The following ERN2 variants were observed in gnomAD, a reference collection of about 807,000 sequenced individuals.
The protein encoded by ERN2 is endoplasmic reticulum to nucleus signaling 2.
Under a neutral mutation model 107.9 loss-of-function variants are expected in ERN2, and 111 were observed. The ratio of observed to expected loss-of-function variants is 1.03; its 90% CI spans 0.88 to 1.20. The LOEUF is 1.20. ERN2 is among the 50% of genes most tolerant of loss of function. The probability of loss-of-function intolerance (pLI) is 0.00; values close to 1 mark genes in which losing one functional copy is unlikely to be tolerated. For synonymous variants in ERN2, 524 were observed against 501.7 expected (o/e 1.04, Z -0.59); for missense variants, 1,225 against 1,197.9 (o/e 1.02, Z -0.33).
Position 23,700,591 on chromosome 16 carries a change from C to T in ERN2, c.1473G>A (p.Gln491=), listed in dbSNP as rs1960007389. Residue 491 remains glutamine, a synonymous_variant, in exon 13 of 22, where the codon CAG becomes CAA. Transcript: ENST00000256797. ...SLHSGASRRS[Q]KRLQSPSKQA... is the part of the protein sequence containing the mutation. ...GCTTTGAGGGACTCTGAAGCCTCTT[C>T]TGGCTCCTCCGGCTGGCCCCCGAGT... 4 of 1,614,186 alleles carry T rather than the reference C, an allele frequency of 2.5e-6. No homozygotes were observed. Among genetic ancestry groups the T allele is most frequent in the South Asian group, 1.1e-5 (1 of 91,074 alleles).
chr16:23,691,244 T>C, intron 20 of ERN2, 48 bp from the exon 21 acceptor site: 1 of 1,612,158 alleles, frequency 6.2e-7, no homozygotes, highest in Non-Finnish European at 8.5e-7. Context: ...TAGACTCCCC[T>C]CCACCGCCCA....
At chr16:23,704,113 G>C (rs900611875) in intron 8 of ERN2, among the ~76,000 whole-genome samples, 1 of 152,188 alleles carries the variant, frequency 6.6e-6, no homozygotes, top group African/African-American at 2.4e-5. Context: ...TTCCCAAGCT[G>C]TCTACTGGTT....
rs1567255390 is a variant in ERN2, at chr16:23,710,263, C to A, written c.234-19G>T. 6.2e-7 allele frequency: 1 copy of A among 1,606,916 alleles called. No homozygotes were observed. Among genetic ancestry groups the A allele is most frequent in the Non-Finnish European group, 8.5e-7 (1 of 1,173,456 alleles). On this transcript the variant is annotated intron_variant, in intron 3 of 21. Transcript: ENST00000256797. ...GGCCATTCTGTGGAGCAGAGAGAAA[C>A]AAGGAGACCAATGGGTTCTTGCCCC... is the stretch of plus-strand genomic sequence containing the variant.
intron 8 of ERN2, among the ~76,000 whole-genome samples, chr16:23,703,974 G>A (rs998282765): frequency 3.3e-5 from 5 of 151,694 alleles, no homozygotes; most frequent in South Asian, 2.1e-4. Context: ...CATTAGACTC[G>A]GGTTCCTGAG....
chr16:23,702,516 G>C lies in ERN2; in HGVS notation c.955C>G (p.Pro319Ala), dbSNP rs376921620. 22 of 1,613,894 alleles carry C rather than the reference G, an allele frequency of 1.4e-5. No individual in the cohort carries two copies. Among genetic ancestry groups the C allele is most frequent in the Non-Finnish European group, 1.7e-5 (20 of 1,180,034 alleles). ...TCATCTGTGGTGGGGCCATCTGCGG[G>C]GGCCAGGGTCAGTCCACGAGGCTAT... is the stretch of plus-strand genomic sequence containing the variant. ...ALVPRGLTLAPADGPTTDEVT... is the reference protein window; with the variant it reads ...ALVPRGLTLAAADGPTTDEVT... The change falls in exon 10 of 22, where the codon CCC becomes GCC. Residue 319 changes from proline (P) to alanine (A), a missense_variant. Coordinates refer to ENST00000256797, the MANE Select transcript of ERN2 (RefSeq NM_033266.4).
chr16:23,711,864 G>T, intron 1 of ERN2: 1 of 195,370 alleles, frequency 5.1e-6, no homozygotes, highest in Non-Finnish European at 1.1e-5. Context: ...GCCCCTTTCT[G>T]CCTCCCCAAA....
At chr16:23,693,951 T>A (rs1055772398) in intron 17 of ERN2, among the ~76,000 whole-genome samples, 8 of 152,130 alleles carry the variant, frequency 5.3e-5, no homozygotes, top group Non-Finnish European at 1.2e-4. Context: ...ACCCAGGCAA[T>A]TAGGTAAAAA....
At chr16:23,708,171 A>G (rs1960399233) in intron 4 of ERN2, among the ~76,000 whole-genome samples, 1 of 151,956 alleles carries the variant, frequency 6.6e-6, no homozygotes, top group African/African-American at 2.4e-5. Flanking sequence ...CCCAGCCTCC[A>G]GAATTAGGGC....
Position 23,702,409 on chromosome 16 carries a change from T to G in ERN2, c.1062A>C (p.Pro354=). Residue 354 remains proline, a synonymous_variant, in exon 10 of 22, where the codon CCA becomes CCC. Transcript: ENST00000256797. ...VRYPSGSVAL[P]SQWLLIGHHE... Reference sequence around the variant, plus strand: ...TCTCACCAATGAGCAGCCACTGGCTTGGGAGGGCCACACTGCCTGAGGGGT... The same window carrying G: ...TCTCACCAATGAGCAGCCACTGGCTGGGGAGGGCCACACTGCCTGAGGGGT... The G allele has an allele frequency of 6.2e-7, 1 of 1,613,624 alleles. No individual in the cohort carries two copies. Among genetic ancestry groups the G allele is most frequent in the Non-Finnish European group, 8.5e-7 (1 of 1,179,886 alleles).
rs56176960 is a variant in ERN2 at position 23,695,894 on chromosome 16, C to A, written c.1610G>T (p.Arg537Leu). The A allele has an allele frequency of 5.0e-6, 8 of 1,613,366 alleles. No individual in the cohort carries two copies. The highest frequency in any genetic ancestry group is 1.3e-5 in the African/African-American group (1 of 74,902). ...AGCTTGGCTCCTGGCTGCCACTCAC[C>A]GGAAAACGAAAGTCCCGCCTGCCCC... The part of the protein sequence containing the change: ...GRGAGGTFVF[R>L]GQFEGRAVAV... The change falls in exon 14 of 22, where the codon CGG becomes CTG. Residue 537 changes from arginine (R) to leucine (L), a missense_variant and splice_region_variant. Arg to Leu is a moderately radical substitution (Grantham distance 102). Transcript: ENST00000256797.
At chr16:23,702,060 T>C in intron 11 of ERN2, 92 bp downstream of exon 11, 2 of 1,369,952 alleles carry the variant, frequency 1.5e-6, no homozygotes, top group Non-Finnish European at 2.0e-6. Context: ...CCCCGAGTGT[T>C]ATTCTTAGCA....
intron 4 of ERN2, 164 bp downstream of exon 4, chr16:23,710,008 C>G: frequency 1.6e-6 from 1 of 609,058 alleles, no homozygotes; most frequent in South Asian, 2.0e-5. Flanking sequence ...CCCTTACCAC[C>G]CTTTCAACAG....
At position 23,695,978 on chromosome 16, in the gene ERN2, G is replaced by C. The variant is rs776370663; in HGVS notation, c.1526C>G (p.Ala509Gly). Residue 509 changes from alanine to glycine, a missense_variant and splice_region_variant, in exon 14 of 22, where the codon GCT (alanine) becomes GGT (glycine). Physicochemically the swap from Ala to Gly is moderately conservative, Grantham distance 60. Coordinates refer to ENST00000256797, the MANE Select transcript of ERN2 (RefSeq NM_033266.4). ...CTTCCCCACTACGGTGAGTTGCTCA[G>C]CTGGGGGAGAGGAGGGTGGTGACTC... ...KQAQPLDDPE[A>G]EQLTVVGKIS... 1 of 1,613,506 alleles carries C rather than the reference G, an allele frequency of 6.2e-7. No homozygotes were observed. The highest frequency in any genetic ancestry group is 1.1e-5 in the South Asian group (1 of 91,052).
At position 23,710,828 on chromosome 16, in the gene ERN2, C is replaced by T. The variant is rs1960510727; in HGVS notation, c.199+85G>A. ...TACCAGCTTATTGGATTCTAGAGCC[C>T]ATGTTCTTATTCTCTATGCCACAGT... On this transcript the variant is annotated intron_variant, in intron 2 of 21. Transcript: ENST00000256797. 5 of 1,045,530 alleles carry T rather than the reference C, an allele frequency of 4.8e-6. No homozygotes were observed. In the Admixed American group the frequency reaches 7.2e-5, roughly 15 times the overall value. 64.8% of individuals were successfully genotyped at this position (1,045,530 alleles called of 1,614,324 possible).
chr16:23,706,941 C>T (rs16972843), intron 5 of ERN2, 66 bp downstream of exon 5: 141,881 of 1,574,462 alleles, frequency 0.09, 7,663 homozygotes, highest in South Asian at 0.19. Context: ...CCTAATTAGC[C>T]GTCACGACTT....
chr16:23,696,103 G>A (rs757449256), intron 13 of ERN2, 125 bp from the exon 14 acceptor site: 83 of 694,480 alleles, frequency 1.2e-4, no homozygotes, highest in Non-Finnish European at 1.8e-4. Context: ...GGTGCAGTGG[G>A]TAAGAGCAAG....
At chr16:23,710,093 A>G in intron 4 of ERN2, 79 bp downstream of exon 4, 1 of 944,724 alleles carries the variant, frequency 1.1e-6, no homozygotes, top group South Asian at 1.3e-5. Context: ...TACTGACCAT[A>G]CTGCCTCTCC....
At position 23,710,064 on chromosome 16, in the gene ERN2, T is replaced by A; in HGVS notation, c.306+108A>T. The A allele has an allele frequency of 3.9e-6, 3 of 761,482 alleles. No homozygotes were observed. In the South Asian group the frequency reaches 4.7e-5, roughly 12 times the overall value. The allele number at this position is 761,482 out of a possible 1,614,324, so 47.2% of individuals were successfully genotyped here. A position where few individuals can be genotyped will look rare whatever the true frequency, so the allele number is the denominator to read the frequency against. ...ACAATGTGCTGAGTCCTGACTTATA[T>A]CCTCTGCAGAACAGGAGATACTGAC... On this transcript the variant is annotated intron_variant, in intron 4 of 21. Transcript: ENST00000256797.
At position 23,700,549 on chromosome 16, in the gene ERN2, G is replaced by T; in HGVS notation, c.1515C>A (p.Asp505Glu). 2.5e-6 allele frequency: 4 copies of T among 1,612,360 alleles called. No individual in the cohort carries two copies. The highest frequency in any genetic ancestry group is 3.4e-6 in the Non-Finnish European group (4 of 1,179,176). Residue 505 changes from aspartate to glutamate, a missense_variant, in exon 13 of 22, where the codon GAC (aspartate) becomes GAA (glutamate). Coordinates refer to ENST00000256797, the MANE Select transcript of ERN2 (RefSeq NM_033266.4). ...QSPSKQAQPL[D>E]DPEAEQLTVV... ...TTCACACAGGCTCACCTTCAGGGTC[G>T]TCGAGTGGCTGGGCTTGCTTTGAGG...
Sources: gnomAD v4.1 joint callset for allele counts (sites outside exome capture counted in the v4.1 genomes callset) on GRCh38, gnomAD v4.1.1 for gene constraint, MANE v1.5 for transcripts, NCBI Gene and HGNC (gene_info 2026-07-23, HGNC 2026-07-21) for gene names.